The following MYH2 variants were observed in gnomAD, a reference collection of about 807,000 sequenced individuals.
MYH2 encodes myosin heavy chain 2.
Under a neutral mutation model 228.1 loss-of-function variants are expected in MYH2, and 139 were observed. The ratio of observed to expected loss-of-function variants is 0.61; its 90% CI spans 0.53 to 0.70. MYH2 has a LOEUF of 0.70. Ranked by LOEUF, MYH2 falls within the 30% of genes least tolerant of loss-of-function variation. The pLI, the probability that MYH2 is intolerant of heterozygous loss-of-function variation, is 0.00. For missense variants in MYH2, 1,809 were observed against 2,357.5 expected (o/e 0.77, Z 4.82); for synonymous variants, 796 against 871.1 (o/e 0.91, Z 1.52).
At position 10,527,070 on chromosome 17, in the gene MYH2, G is replaced by T. The variant is rs1437877546; in HGVS notation, c.3872-14C>A. ...GTGAAAACTCACCTGATGGACAAAA[G>T]AAATGGCACCATTTTTTAGGTGAAA... On this transcript the variant is annotated splice_polypyrimidine_tract_variant and intron_variant, in intron 28 of 39. Coordinates refer to ENST00000245503, the MANE Select transcript of MYH2 (RefSeq NM_017534.6). 6.2e-7 allele frequency: 1 copy of T among 1,606,314 alleles called. No individual in the cohort carries two copies. Among genetic ancestry groups the T allele is most frequent in the Non-Finnish European group, 8.5e-7 (1 of 1,172,966 alleles).
At position 10,533,489 on chromosome 17, in the gene MYH2, T is replaced by C; in HGVS notation, c.2304+20A>G. ...TCAAAGGGACAGGAATAGCATCAGG[T>C]AGGATTTACAGAAAATTACCTTGGT... On this transcript the variant is annotated intron_variant, in intron 20 of 39. Coordinates refer to ENST00000245503, the MANE Select transcript of MYH2 (RefSeq NM_017534.6). 1 of 1,614,164 alleles carries C rather than the reference T, an allele frequency of 6.2e-7. No individual in the cohort carries two copies. The highest frequency in any genetic ancestry group is 8.5e-7 in the Non-Finnish European group (1 of 1,180,026).
Position 10,523,497 on chromosome 17 carries a change from C to G in MYH2, c.5471G>C (p.Arg1824Thr). ...GKKQIQKLEA[R>T]VRELEGEVES... ...ATAGACAGATATTGGGAGACCCACC[C>G]TGGCCTCCAGTTTCTGGATCTGCTT... Residue 1824 changes from arginine to threonine, a missense_variant and splice_region_variant, in exon 37 of 40, where the codon AGG (arginine) becomes ACG (threonine). Arg to Thr is a moderately conservative substitution (Grantham distance 71). Coordinates refer to ENST00000245503, the MANE Select transcript of MYH2 (RefSeq NM_017534.6). 1 of 1,614,214 alleles carries G rather than the reference C, an allele frequency of 6.2e-7. No homozygotes were observed. Among genetic ancestry groups the G allele is most frequent in the South Asian group, 1.1e-5 (1 of 91,078 alleles).
chr17:10,523,962 C>A lies in MYH2; in HGVS notation c.5176-78G>T, dbSNP rs557217678. On this transcript the variant is annotated intron_variant, in intron 35 of 39. Transcript: ENST00000245503. ...TGGTAACCACTTCTTGAAAAAAATT[C>A]AGATAAAAATTTGCAAGTCAAAAAA... The A allele has an allele frequency of 5.4e-6, 8 of 1,480,900 alleles. No homozygotes were observed. The East Asian group carries it at 1.6e-4, about 30-fold the overall frequency. 91.7% of individuals were successfully genotyped at this position (1,480,900 alleles called of 1,614,324 possible). A position where few individuals can be genotyped will look rare whatever the true frequency, so the allele number is the denominator to read the frequency against.
intron 17 of MYH2, among the ~76,000 whole-genome samples, chr17:10,536,316 T>TA (rs2073481500): frequency 2.0e-5 from 3 of 151,954 alleles, no homozygotes; most frequent in Admixed American, 2.0e-4. Context: ...CCTATTGAAA[T>TA]AAAAAATAAA....
At chr17:10,526,889 T>C (rs762656361) in intron 29 of MYH2, 49 bp downstream of exon 29, 6 of 1,613,142 alleles carry the variant, frequency 3.7e-6, no homozygotes, top group Non-Finnish European at 5.1e-6. Flanking sequence ...ACAGGCTCCA[T>C]GTAGAATCAG....
Position 10,523,332 on chromosome 17 carries a change from C to T in MYH2, c.5553G>A (p.Arg1851=), listed in dbSNP as rs762548722. 16 of 1,614,060 alleles carry T rather than the reference C, an allele frequency of 9.9e-6. No individual in the cohort carries two copies. The South Asian group carries it at 1.6e-4, about 17-fold the overall frequency. ...EAVKGLRKHE[R]RVKELTYQTE... ...CCTGGTAAGTGAGTTCCTTCACTCG[C>T]CTCTCATGTTTGCGCAGACCTTTGA... Residue 1851 remains arginine, a synonymous_variant, in exon 38 of 40, where the codon AGG becomes AGA. Transcript: ENST00000245503.
rs1035719606 is a variant in MYH2, at chr17:10,529,815, T to C, written c.2940+17A>G. 1 of 1,614,080 alleles carries C rather than the reference T, an allele frequency of 6.2e-7. No individual in the cohort carries two copies. Among genetic ancestry groups the C allele is most frequent in the African/African-American group, 1.3e-5 (1 of 75,014 alleles). On this transcript the variant is annotated intron_variant, in intron 23 of 39. Transcript: ENST00000245503. Reference sequence around the variant, plus strand: ...GTGGCAGAACCTCTATACAGTACTGTAGAATATGATTGATACCTTGTTTTC... The same window carrying C: ...GTGGCAGAACCTCTATACAGTACTGCAGAATATGATTGATACCTTGTTTTC...
In MYH2 at chr17:10,545,503, C is replaced by A. The variant is rs1430971287; in HGVS notation, c.349-1G>T. On this transcript the variant is annotated splice_acceptor_variant, in intron 4 of 39. Transcript: ENST00000245503. LOFTEE classifies it high-confidence loss of function. ...TGACACAGAAGAGACCTGAATAGGT[C>A]TATGAGAAGGAAAAAGAATAAGTAC... is the stretch of plus-strand genomic sequence containing the variant. 6.2e-7 allele frequency: 1 copy of A among 1,613,882 alleles called. No individual in the cohort carries two copies. The highest frequency in any genetic ancestry group is 8.5e-7 in the Non-Finnish European group (1 of 1,179,936).
chr17:10,523,354 T>G lies in MYH2; in HGVS notation c.5531A>C (p.Lys1844Thr). ...SEQKRNAEAV[K>T]GLRKHERRVK... ...TCGCCTCTCATGTTTGCGCAGACCT[T>G]TGACAGCCTCAGCATTACGCTTTTG... is the stretch of plus-strand genomic sequence containing the variant. Residue 1844 changes from lysine to threonine, a missense_variant, in exon 38 of 40, where the codon AAA becomes ACA. Around this residue, in one of 9 missense-constraint regions of MYH2, gnomAD observed 278 missense variants for 308.5 expected, o/e 0.90. Coordinates refer to ENST00000245503, the MANE Select transcript of MYH2 (RefSeq NM_017534.6). 1 of 1,614,252 alleles carries G rather than the reference T, an allele frequency of 6.2e-7. No homozygotes were observed. Among genetic ancestry groups the G allele is most frequent in the South Asian group, 1.1e-5 (1 of 91,080 alleles).
intron 5 of MYH2, among the ~76,000 whole-genome samples, chr17:10,545,014 A>T (rs35780673): frequency 0.051 from 7,669 of 150,520 alleles, 231 homozygotes; most frequent in South Asian, 0.12. Flanking sequence ...TGCGTGCATG[A>T]GTGTGTGTGT....
At chr17:10,548,544 T>G (rs188401210) in intron 2 of MYH2, among the ~76,000 whole-genome samples, 5 of 152,240 alleles carry the variant, frequency 3.3e-5, no homozygotes, top group Non-Finnish European at 7.3e-5. Flanking sequence ...TATAATTTTG[T>G]TTACCTTTTT....
Position 10,526,612 on chromosome 17 carries a change from G to C in MYH2, c.4174C>G (p.Leu1392Val). 6.2e-7 allele frequency: 1 copy of C among 1,613,972 alleles called. No homozygotes were observed. The highest frequency in any genetic ancestry group is 8.5e-7 in the Non-Finnish European group (1 of 1,179,850). The part of the protein sequence containing the change: ...ETDAIQRTEE[L>V]EEAKKKLAQR... The stretch of plus-strand genomic sequence containing the variant: ...CTGTGCACATACTTGGCCTCCTCCA[G>C]CTCCTCTGTGCGCTGGATGGCGTCC... Residue 1392 changes from leucine (L) to valine (V), a missense_variant, in exon 30 of 40, where the codon CTG (leucine) becomes GTG (valine). Leu to Val is a conservative substitution (Grantham distance 32). Around this residue, in one of 9 missense-constraint regions of MYH2, gnomAD observed 636 missense variants for 729.9 expected, o/e 0.87. Coordinates refer to ENST00000245503, the MANE Select transcript of MYH2 (RefSeq NM_017534.6).
At chr17:10,528,666 A>T in intron 27 of MYH2, 24 bp downstream of exon 27, 15 of 1,613,948 alleles carry the variant, frequency 9.3e-6, no homozygotes, top group Non-Finnish European at 1.3e-5. Flanking sequence ...ATTTTCAATA[A>T]CAATTTCCCA....
At chr17:10,538,354 T>TA (rs1436925027) in intron 14 of MYH2, among the ~76,000 whole-genome samples, 64 of 151,810 alleles carry the variant, frequency 4.2e-4, no homozygotes, top group African/African-American at 1.5e-3. Flanking sequence ...ATATAAAGTA[T>TA]GACAATATAC....
chr17:10,525,248 A>T lies in MYH2; in HGVS notation c.4638T>A (p.Leu1546=), dbSNP rs769004689. ...KKQVEQEKCE[L]QAALEEAEAS... is the part of the protein sequence containing the mutation. ...CCTCTGCTTCTTCTAAAGCAGCCTG[A>T]AGTTCACACTTTTCTTGTTCCACTT... is the stretch of plus-strand genomic sequence containing the variant. The change falls in exon 33 of 40, where the codon CTT becomes CTA. Residue 1546 remains leucine, a synonymous_variant. Transcript: ENST00000245503. The surrounding 1 kb of genome is among the most constrained non-coding windows in gnomAD (Gnocchi z 4.2). 3.1e-6 allele frequency: 5 copies of T among 1,614,140 alleles called. No homozygotes were observed. The African/African-American group carries it at 6.7e-5, about 22-fold the overall frequency.
In MYH2 at chr17:10,537,199, T is replaced by C; in HGVS notation, c.1897+34A>G. 6.2e-7 allele frequency: 1 copy of C among 1,613,166 alleles called. No homozygotes were observed. Among genetic ancestry groups the C allele is most frequent in the Non-Finnish European group, 8.5e-7 (1 of 1,179,204 alleles). The stretch of plus-strand genomic sequence containing the variant: ...TTCAATTTAACATCACATTTTGTAA[T>C]ACCTAGAGAGTATTATTAACATTTG... On this transcript the variant is annotated intron_variant, in intron 16 of 39. Coordinates refer to ENST00000245503, the MANE Select transcript of MYH2 (RefSeq NM_017534.6). The surrounding 1 kb of genome is among the most constrained non-coding windows in gnomAD (Gnocchi z 4.0).
In MYH2 at chr17:10,536,589, C is replaced by T; in HGVS notation, c.1915G>A (p.Ala639Thr). Residue 639 changes from alanine to threonine, a missense_variant, in exon 17 of 40, where the codon GCC becomes ACC. By Grantham distance (58) the Ala-to-Thr change is moderately conservative. Transcript: ENST00000245503. ...TAEGEGAGGG[A>T]KKGGKKKGSS... ...CCCTTCTTCTTACCACCTTTCTTGG[C>T]CCCTCCACCAGCTCCCTCTGAAGAA... 1 of 1,613,770 alleles carries T rather than the reference C, an allele frequency of 6.2e-7. No homozygotes were observed. Among genetic ancestry groups the T allele is most frequent in the Non-Finnish European group, 8.5e-7 (1 of 1,179,820 alleles).
rs754940735 is a variant in MYH2 at position 10,539,563 on chromosome 17, C to T, written c.1148-1G>A. ...TGGAGGTAGGCCGCCTTGTCAGCAA[C>T]TAAAAAGAAGAAAGAGTAGAACAAT... On this transcript the variant is annotated splice_acceptor_variant, in intron 12 of 39. Coordinates refer to ENST00000245503, the MANE Select transcript of MYH2 (RefSeq NM_017534.6). LOFTEE classifies it high-confidence loss of function. 1 of 1,611,092 alleles carries T rather than the reference C, an allele frequency of 6.2e-7. No homozygotes were observed. The highest frequency in any genetic ancestry group is 1.1e-5 in the South Asian group (1 of 91,006).
In MYH2 at chr17:10,524,237, C is replaced by T. The variant is rs185800805; in HGVS notation, c.5175+229G>A. Among the ~76,000 whole-genome samples the T allele has an allele frequency of 4.6e-5, 7 of 152,258 alleles. No individual in the cohort carries two copies. Among genetic ancestry groups the T allele is most frequent in the Non-Finnish European group, 8.8e-5 (6 of 68,016 alleles). On this transcript the variant is annotated intron_variant, in intron 35 of 39. Coordinates refer to ENST00000245503, the MANE Select transcript of MYH2 (RefSeq NM_017534.6). This position sits in a 1 kb window ranked among gnomAD's most constrained non-coding sequence, Gnocchi z 4.7. ...TAATGAGGGCCAATAAAGATATTAA[C>T]ACAATAGAATACGGGGGCAGCCTTA...
Sources: allele counts gnomAD v4.1 joint callset (sites outside exome capture counted in the v4.1 genomes callset), GRCh38; gene constraint gnomAD v4.1.1; regional missense constraint gnomAD v4.1.1; non-coding constraint Gnocchi (gnomAD v3.1); transcripts MANE v1.5; gene names NCBI Gene and HGNC (gene_info 2026-07-23, HGNC 2026-07-21).